Variants in TMEM248 observed in about 807,000 individuals in gnomAD.
The protein encoded by TMEM248 is transmembrane protein 248, also known as UPF0458 protein C7orf42.
A neutral mutation model predicts 30.3 loss-of-function variants in TMEM248; 9 were observed. That is an observed-to-expected ratio of 0.30 (90% CI 0.18 to 0.52). The LOEUF (loss-of-function observed/expected upper bound fraction) is 0.52. TMEM248 is among the 20% of genes least tolerant of loss of function. TMEM248 has a pLI of 0.97. For missense variants in TMEM248, 338 were observed against 403.3 expected (o/e 0.84, Z 1.39); for synonymous variants, 184 against 154.4 (o/e 1.19, Z -1.42).
chr7:66,953,279 T>C lies in TMEM248; in HGVS notation c.834T>C (p.Phe278=), dbSNP rs1562945931. The change falls in exon 6 of 7, where the codon TTT becomes TTC. Residue 278 remains phenylalanine (F), a synonymous_variant. Coordinates refer to ENST00000341567, the MANE Select transcript of TMEM248 (RefSeq NM_017994.5). The part of the protein sequence containing the change: ...LHLMHTSYFL[F]VMVITMFCYA... ...TCATGCACACCAGTTACTTCCTCTTTGTGATGGTGATAACAATGTTTTGCT... is the reference window on the plus strand; with the variant it reads ...TCATGCACACCAGTTACTTCCTCTTCGTGATGGTGATAACAATGTTTTGCT... 1 of 1,614,176 alleles carries C rather than the reference T, an allele frequency of 6.2e-7. No homozygotes were observed. Among genetic ancestry groups the C allele is most frequent in the Non-Finnish European group, 8.5e-7 (1 of 1,180,018 alleles).
At chr7:66,921,839 A>T in intron 1 of TMEM248, 1 of 152,266 alleles carries the variant, frequency 6.6e-6, no homozygotes, top group Non-Finnish European at 1.5e-5. Context: ...AGTGAAACAC[A>T]TCTCAGAAAG....
chr7:66,940,300 A>G (rs1791914584), intron 1 of TMEM248, among the ~76,000 whole-genome samples: 1 of 152,234 alleles, frequency 6.6e-6, no homozygotes, highest in Non-Finnish European at 1.5e-5. Context: ...GTTTGGGGAA[A>G]GCATCCAGGC....
chr7:66,938,974 AC>A lies in TMEM248; in HGVS notation c.-18-2872del, dbSNP rs1166900966. ...TAGACTAACACCCTATTAGTAACTT[AC>A]CAGAGGATTCAGGCAGTTCAGTTAA... On this transcript the variant is annotated intron_variant, in intron 1 of 6. Transcript: ENST00000341567. Among the ~76,000 whole-genome samples the A allele has an allele frequency of 5.3e-5, 8 of 152,358 alleles. No individual in the cohort carries two copies. In the East Asian group the frequency reaches 1.5e-3, roughly 29 times the overall value.
intron 5 of TMEM248, among the ~76,000 whole-genome samples, chr7:66,951,641 G>C (rs975401484): frequency 4.0e-5 from 6 of 150,766 alleles, no homozygotes; most frequent in African/African-American, 1.5e-4. Flanking sequence ...TCATCTAGTA[G>C]CTGTGTGCTG....
At chr7:66,931,170 A>C (rs910090088) in intron 1 of TMEM248, among the ~76,000 whole-genome samples, 2 of 151,846 alleles carry the variant, frequency 1.3e-5, no homozygotes, top group African/African-American at 4.8e-5. Context: ...GGACGTGGTG[A>C]TGTGCACCTG....
At chr7:66,926,490 C>G (rs1377758386) in intron 1 of TMEM248, among the ~76,000 whole-genome samples, 1 of 151,900 alleles carries the variant, frequency 6.6e-6, no homozygotes. Flanking sequence ...CGTGGTGGCA[C>G]ATGGTTGTAA....
intron 2 of TMEM248, 143 bp from the exon 3 acceptor site, chr7:66,944,833 G>A (rs1377219661): frequency 6.1e-6 from 5 of 822,344 alleles, no homozygotes; most frequent in East Asian, 2.6e-5. Context: ...GGTGGTGGCC[G>A]AGTTGTCATG....
chr7:66,931,176 A>G (rs894410683), intron 1 of TMEM248, among the ~76,000 whole-genome samples: 4 of 151,666 alleles, frequency 2.6e-5, no homozygotes, highest in African/African-American at 4.8e-5. Flanking sequence ...GGTGATGTGC[A>G]CCTGTAGTCT....
chr7:66,927,962 C>T (rs1341427106), intron 1 of TMEM248, among the ~76,000 whole-genome samples: 1 of 152,140 alleles, frequency 6.6e-6, no homozygotes, highest in Non-Finnish European at 1.5e-5. Context: ...CACCTGTAAT[C>T]CCAGCACTTT....
At chr7:66,946,642 C>A (rs1451247822) in intron 3 of TMEM248, among the ~76,000 whole-genome samples, 1 of 151,412 alleles carries the variant, frequency 6.6e-6, no homozygotes. Context: ...ATGGAAGAGA[C>A]AAAGATAAAC....
Position 66,955,719 on chromosome 7 carries a change from G to A in TMEM248, c.*197G>A, listed in dbSNP as rs1031399812. On this transcript the variant is annotated 3_prime_UTR_variant, in exon 7 of 7. Transcript: ENST00000341567. Reference sequence around the variant, plus strand: ...TTCAGAAATTGGTCCAATAATGCACGTGCTTTGCCCTGGGTACAGCCAGAG... The same window carrying A: ...TTCAGAAATTGGTCCAATAATGCACATGCTTTGCCCTGGGTACAGCCAGAG... The A allele has an allele frequency of 2.2e-5, 15 of 679,760 alleles. No homozygotes were observed. The highest frequency in any genetic ancestry group is 1.1e-4 in the African/African-American group (6 of 54,168). 42.1% of individuals were successfully genotyped at this position (679,760 alleles called of 1,614,324 possible).
chr7:66,947,292 G>C (rs1323109521), intron 3 of TMEM248, among the ~76,000 whole-genome samples: 1 of 151,882 alleles, frequency 6.6e-6, no homozygotes, highest in Non-Finnish European at 1.5e-5. Context: ...CCTCCTATTG[G>C]CTGTTAGAGG....
At chr7:66,943,760 A>G (rs1792023632) in intron 2 of TMEM248, among the ~76,000 whole-genome samples, 1 of 151,756 alleles carries the variant, frequency 6.6e-6, no homozygotes, top group Non-Finnish European at 1.5e-5. Context: ...CTGTAAGGGT[A>G]GACTTACTGG....
At chr7:66,927,184 T>C (rs1410588024) in intron 1 of TMEM248, among the ~76,000 whole-genome samples, 1 of 152,198 alleles carries the variant, frequency 6.6e-6, no homozygotes, top group African/African-American at 2.4e-5. Flanking sequence ...AGTGAATTTT[T>C]TTAAGAAGCG....
At chr7:66,927,245 G>A (rs574258158) in intron 1 of TMEM248, among the ~76,000 whole-genome samples, 1 of 152,006 alleles carries the variant, frequency 6.6e-6, no homozygotes, top group African/African-American at 2.4e-5. Context: ...AAAATGGAAC[G>A]ATGCATTCAT....
intron 1 of TMEM248, among the ~76,000 whole-genome samples, chr7:66,937,902 G>T (rs13233569): frequency 1.3e-5 from 2 of 151,960 alleles, no homozygotes; most frequent in South Asian, 4.2e-4. Context: ...AGTAGAGTCA[G>T]GGTTTCTCTA....
intron 2 of TMEM248, among the ~76,000 whole-genome samples, chr7:66,943,908 C>T (rs1792028833): frequency 6.6e-6 from 1 of 151,876 alleles, no homozygotes; most frequent in East Asian, 1.9e-4. Context: ...GATTTTCGTG[C>T]CTCAGCCTTC....
intron 4 of TMEM248, among the ~76,000 whole-genome samples, chr7:66,950,310 G>C (rs188009814): frequency 3.0e-4 from 46 of 152,132 alleles, no homozygotes; most frequent in Non-Finnish European, 5.3e-4. Flanking sequence ...TCATGGGAGG[G>C]ACCCAGTGGG....
In TMEM248 at chr7:66,923,872, G is replaced by T. The variant is rs921594380; in HGVS notation, c.-19+2411G>T. Among the ~76,000 whole-genome samples, 8 of 152,078 alleles carry T rather than the reference G, an allele frequency of 5.3e-5. No homozygotes were observed. In the South Asian group the frequency reaches 1.7e-3, roughly 32 times the overall value. ...ATGGAGACAGGGTTTCACCATGTTGGCCAGGCTGGTCTCAAACCCTTGACG... is the reference window on the plus strand; with the variant it reads ...ATGGAGACAGGGTTTCACCATGTTGTCCAGGCTGGTCTCAAACCCTTGACG... On this transcript the variant is annotated intron_variant, in intron 1 of 6. Coordinates refer to ENST00000341567, the MANE Select transcript of TMEM248 (RefSeq NM_017994.5).
Sources: allele counts gnomAD v4.1 joint callset (sites outside exome capture counted in the v4.1 genomes callset), GRCh38; gene constraint gnomAD v4.1.1; transcripts MANE v1.5; gene names NCBI Gene and HGNC (gene_info 2026-07-23, HGNC 2026-07-21).